The following SOCS6 variants were observed in gnomAD, a reference collection of about 807,000 sequenced individuals.
The protein encoded by SOCS6 is suppressor of cytokine signaling 6.
Under a neutral mutation model 27.7 loss-of-function variants are expected in SOCS6, and 5 were observed. The observed-to-expected ratio is 0.18, with a 90% CI of 0.09 to 0.38. The LOEUF is 0.38. SOCS6 is among the 10% of genes least tolerant of loss of function. SOCS6 has a pLI of 1.00. For synonymous variants in SOCS6, 271 were observed against 260.0 expected, an observed-to-expected ratio of 1.04 and a Z score of -0.41; for missense variants, 595 against 688.1, an observed-to-expected ratio of 0.86 and a Z score of 1.51.
rs763120236 is a variant in SOCS6, at chr18:70,321,312, GTTT to G, written c.-126-3207_-126-3205del. Among the ~76,000 whole-genome samples, 165 of 68,698 alleles carry G rather than the reference GTTT, an allele frequency of 2.4e-3. 2 individuals are homozygous for G. Among genetic ancestry groups the G allele is most frequent in the African/African-American group, 8.6e-3 (157 of 18,208 alleles). 45.1% of individuals were successfully genotyped at this position (68,698 alleles called of 152,430 possible). The stretch of plus-strand genomic sequence containing the variant: ...AATAAATAAATAACAAATTTTCTCA[GTTT>G]TTTTTTTTTTTTTTTTTTTTTTTGA... On this transcript the variant is annotated intron_variant, in intron 1 of 1. Coordinates refer to ENST00000397942, the MANE Select transcript of SOCS6 (RefSeq NM_004232.4).
At chr18:70,289,308 C>T (rs964005372) in intron 1 of SOCS6, among the ~76,000 whole-genome samples, 1 of 148,826 alleles carries the variant, frequency 6.7e-6, no homozygotes, top group African/African-American at 2.4e-5. Context: ...CGGGCGGGGG[C>T]CAGGGCCGGG....
intron 1 of SOCS6, among the ~76,000 whole-genome samples, chr18:70,319,817 A>C (rs545142670): frequency 6.6e-6 from 1 of 152,256 alleles, no homozygotes; most frequent in Non-Finnish European, 1.5e-5. Context: ...TGCTGGCTAC[A>C]CTAGCTAACT....
Position 70,329,773 on chromosome 18 carries a change from A to G in SOCS6, c.*3497A>G, listed in dbSNP as rs1221118972. On this transcript the variant is annotated 3_prime_UTR_variant, in exon 2 of 2. Transcript: ENST00000397942. ...CTTTTAATACTTTTTTAATCCTGTA[A>G]AGAAGGGTTTTTATAAACATTCTTT... The G allele has an allele frequency of 9.0e-5, 15 of 167,062 alleles. No homozygotes were observed. Among genetic ancestry groups the G allele is most frequent in the Admixed American group, 5.9e-4 (9 of 15,276 alleles). The allele number at this position is 167,062 out of a possible 1,614,324, so 10.3% of individuals were successfully genotyped here. A position where few individuals can be genotyped will look rare whatever the true frequency, so the allele number is the denominator to read the frequency against.
intron 1 of SOCS6, 28 bp from the exon 2 acceptor site, chr18:70,324,515 T>A (rs546818560): frequency 3.6e-4 from 205 of 568,764 alleles, no homozygotes; most frequent in African/African-American, 3.3e-3. Flanking sequence ...TTTTTTAATA[T>A]GACTCTTTTT....
chr18:70,326,018 A>C lies in SOCS6; in HGVS notation c.1350A>C (p.Gly450=), dbSNP rs200376395. The C allele has an allele frequency of 9.1e-5, 147 of 1,614,264 alleles. No homozygotes were observed. The African/African-American group carries it at 1.8e-3, about 19-fold the overall frequency. ...TTTATGAACAGCCAGATGTGGAAGG[A>C]CATACGTCCATAGTTGATCTAATTG... ...FSFYEQPDVE[G]HTSIVDLIEH... Residue 450 remains glycine (G), a synonymous_variant, in exon 2 of 2, where the codon GGA becomes GGC. Coordinates refer to ENST00000397942, the MANE Select transcript of SOCS6 (RefSeq NM_004232.4).
chr18:70,301,120 C>T (rs529963131), intron 1 of SOCS6, among the ~76,000 whole-genome samples: 6 of 152,220 alleles, frequency 3.9e-5, no homozygotes, highest in Non-Finnish European at 8.8e-5. Context: ...CACCAGTTAG[C>T]CAGCTACCAG....
intron 1 of SOCS6, among the ~76,000 whole-genome samples, chr18:70,294,393 T>A (rs937360625): frequency 6.6e-6 from 1 of 152,066 alleles, no homozygotes; most frequent in African/African-American, 2.4e-5. Context: ...AATTTTTCTT[T>A]TATTGGATGT....
intron 1 of SOCS6, among the ~76,000 whole-genome samples, chr18:70,297,191 C>T (rs11665533): frequency 0.46 from 70,168 of 151,928 alleles, 16,908 homozygotes; most frequent in East Asian, 0.76. Context: ...GGTTTTTCGT[C>T]GTCTTCCTTT....
At chr18:70,291,657 T>G (rs1333940240) in intron 1 of SOCS6, among the ~76,000 whole-genome samples, 1 of 152,208 alleles carries the variant, frequency 6.6e-6, no homozygotes, top group Admixed American at 6.5e-5. Flanking sequence ...AAACCCACTG[T>G]GAGTTTTGAC....
At chr18:70,304,084 T>C (rs1300190056) in intron 1 of SOCS6, among the ~76,000 whole-genome samples, 3 of 152,156 alleles carry the variant, frequency 2.0e-5, no homozygotes, top group African/African-American at 7.2e-5. Flanking sequence ...GGATATATGA[T>C]CTCAATGTCA....
chr18:70,291,313 G>A (rs1600144943), intron 1 of SOCS6, among the ~76,000 whole-genome samples: 1 of 152,056 alleles, frequency 6.6e-6, no homozygotes, highest in Middle Eastern at 3.4e-3. Flanking sequence ...TGTTGCCGAG[G>A]CTGGTCTCAA....
At chr18:70,324,519 T>C (rs1911111178) in intron 1 of SOCS6, 24 bp from the exon 2 acceptor site, 7 of 581,840 alleles carry the variant, frequency 1.2e-5, no homozygotes, top group Non-Finnish European at 1.5e-5. Context: ...TTAATATGAC[T>C]CTTTTTATAT....
At chr18:70,289,933 C>G (rs1475720265) in intron 1 of SOCS6, among the ~76,000 whole-genome samples, 1 of 152,180 alleles carries the variant, frequency 6.6e-6, no homozygotes, top group Non-Finnish European at 1.5e-5. Flanking sequence ...TGGCACAAAA[C>G]TTGGGATATG....
chr18:70,301,422 G>A (rs2062347636), intron 1 of SOCS6, among the ~76,000 whole-genome samples: 3 of 152,028 alleles, frequency 2.0e-5, no homozygotes, highest in Non-Finnish European at 4.4e-5. Flanking sequence ...GAGAAAGAAA[G>A]GAGCCAAGGG....
At chr18:70,319,570 A>T (rs1275975479) in intron 1 of SOCS6, among the ~76,000 whole-genome samples, 2 of 150,626 alleles carry the variant, frequency 1.3e-5, no homozygotes, top group Non-Finnish European at 2.9e-5. Flanking sequence ...AAATGTAGTA[A>T]TAGTCGTATG....
rs1001508324 is a variant in SOCS6 at position 70,329,305 on chromosome 18, C to T, written c.*3029C>T. ...GAAACCAGCTACACGGGGCAACCAA[C>T]CATCTTGCTGTTGAAGAAAACAGTT... On this transcript the variant is annotated 3_prime_UTR_variant, in exon 2 of 2. Transcript: ENST00000397942. 6.0e-6 allele frequency: 1 copy of T among 167,084 alleles called. No individual in the cohort carries two copies. Among genetic ancestry groups the T allele is most frequent in the African/African-American group, 2.4e-5 (1 of 41,458 alleles). The allele number at this position is 167,084 out of a possible 1,614,324, so 10.4% of individuals were successfully genotyped here.
chr18:70,320,932 G>C (rs1293135054), intron 1 of SOCS6, among the ~76,000 whole-genome samples: 6 of 152,092 alleles, frequency 3.9e-5, no homozygotes, highest in Non-Finnish European at 7.4e-5. Context: ...TATCATTCAT[G>C]AAAATGTTAT....
At chr18:70,305,074 G>A (rs2062363468) in intron 1 of SOCS6, among the ~76,000 whole-genome samples, 1 of 152,046 alleles carries the variant, frequency 6.6e-6, no homozygotes, top group African/African-American at 2.4e-5. Flanking sequence ...GGGCATGGTG[G>A]CATGCACCTG....
intron 1 of SOCS6, among the ~76,000 whole-genome samples, chr18:70,319,227 G>T (rs1476668665): frequency 1.3e-5 from 2 of 152,036 alleles, no homozygotes; most frequent in African/African-American, 4.8e-5. Flanking sequence ...ACAGGTTTAG[G>T]AGCGGTGGAG....
Sources: allele counts gnomAD v4.1 joint callset (sites outside exome capture counted in the v4.1 genomes callset), GRCh38; gene constraint gnomAD v4.1.1; transcripts MANE v1.5; gene names NCBI Gene and HGNC (gene_info 2026-07-23, HGNC 2026-07-21).